Variants in PACC1 observed in about 807,000 individuals in gnomAD.
PACC1 encodes proton-activated chloride channel.
Under a neutral mutation model 39.7 loss-of-function variants are expected in PACC1, and 34 were observed. The observed-to-expected ratio is 0.86, with a 90% confidence interval of 0.65 to 1.14. The LOEUF is 1.14. Among genes scored for constraint, PACC1 ranks in the 50% most tolerant of loss-of-function variants. PACC1 has a pLI of 0.00. For missense variants in PACC1, 379 were observed against 436.4 expected, an observed-to-expected ratio of 0.87 and a Z score of 1.17; for synonymous variants, 127 against 160.6, an observed-to-expected ratio of 0.79 and a Z score of 1.58.
intron 7 of PACC1, 43 bp downstream of exon 7, chr1:212,375,149 CT>C (rs1359276171): frequency 7.1e-7 from 1 of 1,413,786 alleles, no homozygotes. Context: ...TTAAATAATA[CT>C]ATCATAATCT....
At chr1:212,379,701 G>T (rs1045475048) in intron 5 of PACC1, among the ~76,000 whole-genome samples, 194 bp downstream of exon 5, 1 of 152,166 alleles carries the variant, frequency 6.6e-6, no homozygotes, top group Non-Finnish European at 1.5e-5. Context: ...CTCCACACCA[G>T]ATTTGCTTAA....
chr1:212,375,566 T>C (rs1308719449), intron 6 of PACC1, among the ~76,000 whole-genome samples: 1 of 152,204 alleles, frequency 6.6e-6, no homozygotes, highest in Non-Finnish European at 1.5e-5. Flanking sequence ...CTGAAATTTG[T>C]CACTAGGTAT....
At chr1:212,408,712 T>C (rs1182625499) in intron 2 of PACC1, among the ~76,000 whole-genome samples, 1 of 152,234 alleles carries the variant, frequency 6.6e-6, no homozygotes, top group East Asian at 1.9e-4. Flanking sequence ...TTAGTTCCTG[T>C]CTTGTTCCCC....
chr1:212,399,359 C>T (rs1661633843), intron 2 of PACC1, among the ~76,000 whole-genome samples: 1 of 152,224 alleles, frequency 6.6e-6, no homozygotes. Flanking sequence ...TAGCCCAATG[C>T]TCTTTCCCTA....
chr1:212,380,071 G>C, intron 4 of PACC1, 34 bp from the exon 5 acceptor site: 2 of 1,609,634 alleles, frequency 1.2e-6, no homozygotes, highest in Non-Finnish European at 8.5e-7. Flanking sequence ...TCTCAGTCCT[G>C]GGAGAGTACA....
At chr1:212,382,878 T>C (rs1372728130) in intron 4 of PACC1, among the ~76,000 whole-genome samples, 2 of 152,132 alleles carry the variant, frequency 1.3e-5, no homozygotes, top group Non-Finnish European at 2.9e-5. Context: ...CAGGAGTCTC[T>C]TTCTGAGGGC....
intron 2 of PACC1, among the ~76,000 whole-genome samples, chr1:212,395,281 C>T (rs931048976): frequency 3.3e-5 from 5 of 152,088 alleles, no homozygotes; most frequent in Admixed American, 6.6e-5. Context: ...GAAATAATAC[C>T]GCACATCTAC....
chr1:212,403,603 C>T lies in PACC1; in HGVS notation c.133+6822G>A, dbSNP rs114912534. Among the ~76,000 whole-genome samples, 1,188 of 152,292 alleles carry T rather than the reference C, an allele frequency of 7.8e-3. 17 individuals are homozygous for T. Among genetic ancestry groups the T allele is most frequent in the African/African-American group, 0.027 (1,116 of 41,556 alleles). ...TTTGAGACAGGGTCTCTCACTCTGT[C>T]GCCCAGGCTGGTGTGCAGCAGTGCA... On this transcript the variant is annotated intron_variant, in intron 2 of 7. Coordinates refer to ENST00000261455, the MANE Select transcript of PACC1 (RefSeq NM_018252.3).
chr1:212,385,415 CA>C lies in PACC1; in HGVS notation c.353del (p.Leu118CysfsTer21). 1 of 1,613,984 alleles carries C rather than the reference CA, an allele frequency of 6.2e-7. No individual in the cohort carries two copies. The highest frequency in any genetic ancestry group is 8.5e-7 in the Non-Finnish European group (1 of 1,179,978). On this transcript the variant is annotated frameshift_variant, in exon 4 of 8. Coordinates refer to ENST00000261455, the MANE Select transcript of PACC1 (RefSeq NM_018252.3). LOFTEE classifies it high-confidence loss of function. ...TGAGCAACTGGGCCTGACCGGGGTA[CA>C]AGGCAATACCTGGGGGCACAAACAG... ...VDRYDAPGIA[L>X]YPGQAQLLSC...
intron 5 of PACC1, among the ~76,000 whole-genome samples, chr1:212,378,474 G>A (rs900530739): frequency 6.6e-6 from 1 of 152,202 alleles, no homozygotes; most frequent in African/African-American, 2.4e-5. Flanking sequence ...GAGGCAGCTC[G>A]CTGCATGTCC....
Position 212,414,764 on chromosome 1 carries a change from G to C in PACC1, c.-7C>G, listed in dbSNP as rs777213728. On this transcript the variant is annotated 5_prime_UTR_variant, in exon 1 of 8. Transcript: ENST00000261455. ...AGCGCTCCTGCCGGATCATGGCACT[G>C]ACCAGAGCTTCGGCACACCTGAGAC... The C allele has an allele frequency of 8.7e-6, 14 of 1,613,168 alleles. No individual in the cohort carries two copies. The South Asian group carries it at 1.5e-4, about 18-fold the overall frequency.
Position 212,389,324 on chromosome 1 carries a change from G to A in PACC1, c.134-2224C>T, listed in dbSNP as rs186518321. Among the ~76,000 whole-genome samples the A allele has an allele frequency of 6.1e-4, 93 of 152,274 alleles. 1 individual carries two copies. The highest frequency in any genetic ancestry group is 2.6e-3 in the Admixed American group (40 of 15,294). On this transcript the variant is annotated intron_variant, in intron 2 of 7. Coordinates refer to ENST00000261455, the MANE Select transcript of PACC1 (RefSeq NM_018252.3). ...TCAGATCCTTGGCTGGAGAACCCAG[G>A]GGGGGCCAGCAAAAAGTAACAACTG...
chr1:212,372,518 G>A (rs933914171), intron 7 of PACC1, among the ~76,000 whole-genome samples: 7 of 152,044 alleles, frequency 4.6e-5, no homozygotes, highest in African/African-American at 1.7e-4. Flanking sequence ...ACAAGAGAAA[G>A]AAATAAAGGG....
intron 2 of PACC1, among the ~76,000 whole-genome samples, chr1:212,403,266 G>A (rs1473000339): frequency 6.6e-6 from 1 of 152,188 alleles, no homozygotes; most frequent in Non-Finnish European, 1.5e-5. Context: ...CTGCACGTTT[G>A]GGTGCTTAAC....
intron 6 of PACC1, among the ~76,000 whole-genome samples, chr1:212,376,140 T>C (rs1188527098): frequency 1.3e-5 from 2 of 152,066 alleles, no homozygotes; most frequent in Non-Finnish European, 2.9e-5. Flanking sequence ...CTAAAGACGC[T>C]GTGTGGTGTA....
At chr1:212,375,827 G>A (rs982259404) in intron 6 of PACC1, among the ~76,000 whole-genome samples, 2 of 152,128 alleles carry the variant, frequency 1.3e-5, no homozygotes, top group Non-Finnish European at 1.5e-5. Flanking sequence ...AGAGGTTGCA[G>A]TGAGCCGAAA....
At position 212,380,014 on chromosome 1, in the gene PACC1, C is replaced by T. The variant is rs1466235928; in HGVS notation, c.519G>A (p.Gly173=). 1 of 1,613,988 alleles carries T rather than the reference C, an allele frequency of 6.2e-7. No individual in the cohort carries two copies. Among genetic ancestry groups the T allele is most frequent in the East Asian group, 2.2e-5 (1 of 44,888 alleles). Residue 173 remains glycine, a synonymous_variant, in exon 5 of 8, where the codon GGG becomes GGA. Coordinates refer to ENST00000261455, the MANE Select transcript of PACC1 (RefSeq NM_018252.3). ...QTVKSALIVQ[G]PREVKKRELV... Reference sequence around the variant, plus strand: ...GCTCCCGCTTTTTCACTTCCCGGGGCCCCTGGACAATCAGGGCAGATTTCT... The same window carrying T: ...GCTCCCGCTTTTTCACTTCCCGGGGTCCCTGGACAATCAGGGCAGATTTCT...
chr1:212,413,995 G>A (rs1463931307), intron 1 of PACC1: 5 of 1,535,862 alleles, frequency 3.3e-6, no homozygotes, highest in Non-Finnish European at 4.4e-6. Flanking sequence ...CCGAGAAGTG[G>A]AGGCGGAGGA....
intron 2 of PACC1, 87 bp downstream of exon 2, chr1:212,410,338 G>A: frequency 4.2e-6 from 5 of 1,184,178 alleles, no homozygotes; most frequent in Non-Finnish European, 6.3e-6. Context: ...CAGGGAAGGG[G>A]GCTCCTCCTC....
Sources: gnomAD v4.1 joint callset for allele counts (sites outside exome capture counted in the v4.1 genomes callset) on GRCh38, gnomAD v4.1.1 for gene constraint, MANE v1.5 for transcripts, NCBI Gene and HGNC (gene_info 2026-07-23, HGNC 2026-07-21) for gene names.